The following DDX10 variants were observed in gnomAD, a reference collection of about 807,000 sequenced individuals.
The protein encoded by DDX10 is probable ATP-dependent RNA helicase DDX10.
Under a neutral mutation model 104.3 loss-of-function variants are expected in DDX10, and 74 were observed. That is an observed-to-expected ratio of 0.71 (90% CI 0.59 to 0.86). DDX10 has a LOEUF of 0.86. Ranked by LOEUF, DDX10 falls within the 40% of genes least tolerant of loss-of-function variation. The pLI is 0.00. For missense variants in DDX10, 952 were observed against 1,040.0 expected (o/e 0.92, Z 1.16); for synonymous variants, 351 against 353.4 (o/e 0.99, Z 0.08).
At chr11:108,702,433 T>G (rs914982665) in intron 9 of DDX10, among the ~76,000 whole-genome samples, 1 of 152,184 alleles carries the variant, frequency 6.6e-6, no homozygotes, top group Non-Finnish European at 1.5e-5. Context: ...TAGGCAGTTG[T>G]GAATAGCGTA....
At chr11:108,702,067 C>A (rs2094269111) in intron 9 of DDX10, among the ~76,000 whole-genome samples, 1 of 151,142 alleles carries the variant, frequency 6.6e-6, no homozygotes, top group African/African-American at 2.4e-5. Flanking sequence ...ACACATGACA[C>A]ATGACACATG....
At chr11:108,800,191 C>A (rs1260149121) in intron 13 of DDX10, among the ~76,000 whole-genome samples, 2 of 151,326 alleles carry the variant, frequency 1.3e-5, no homozygotes, top group African/African-American at 4.9e-5. Context: ...CTCTTGTAAT[C>A]CCAGCACTTT....
chr11:108,833,026 A>G lies in DDX10; in HGVS notation c.1966-5420A>G, dbSNP rs113459389. On this transcript the variant is annotated intron_variant, in intron 13 of 17. Coordinates refer to ENST00000322536, the MANE Select transcript of DDX10 (RefSeq NM_004398.4). Reference sequence around the variant, plus strand: ...TTTTAACTTAAGTACAATTTACAGAATACATGTGCATGTATTACCTGCTAA... The same window carrying G: ...TTTTAACTTAAGTACAATTTACAGAGTACATGTGCATGTATTACCTGCTAA... Among the ~76,000 whole-genome samples the G allele has an allele frequency of 6.1e-3, 923 of 152,340 alleles. 3 individuals are homozygous for G. The highest frequency in any genetic ancestry group is 0.021 in the African/African-American group (857 of 41,596).
chr11:108,860,859 A>C (rs2134613650), intron 16 of DDX10: 1 of 152,216 alleles, frequency 6.6e-6, no homozygotes, highest in Admixed American at 6.5e-5. Flanking sequence ...ACTATTTCTT[A>C]AAAGGAAGGG....
chr11:108,749,288 A>G (rs2094335629), intron 13 of DDX10, among the ~76,000 whole-genome samples: 2 of 152,120 alleles, frequency 1.3e-5, no homozygotes, highest in African/African-American at 2.4e-5. Flanking sequence ...CATGTGTGAA[A>G]CAGGGATTTG....
chr11:108,689,202 G>A (rs2094248727), intron 7 of DDX10, 140 bp downstream of exon 7: 4 of 831,640 alleles, frequency 4.8e-6, no homozygotes, highest in Admixed American at 2.3e-5. Context: ...TTGTTGCAAA[G>A]GAATCCGTGG....
At chr11:108,900,601 AATCTCTGGT>A (rs562271397) in intron 16 of DDX10, among the ~76,000 whole-genome samples, 34 of 152,236 alleles carry the variant, frequency 2.2e-4, no homozygotes, top group Non-Finnish European at 4.6e-4. Context: ...CCAGATAATG[AATCTCTGGT>A]ACAGTGAGGT....
At chr11:108,695,498 C>A (rs1018354639) in intron 9 of DDX10, among the ~76,000 whole-genome samples, 1 of 152,198 alleles carries the variant, frequency 6.6e-6, no homozygotes, top group Non-Finnish European at 1.5e-5. Context: ...TCCACTTCAG[C>A]AAGTGGCCCC....
Position 108,691,879 on chromosome 11 carries a change from C to T in DDX10, c.979C>T (p.Gln327Ter). 6.2e-7 allele frequency: 1 copy of T among 1,612,174 alleles called. No individual in the cohort carries two copies. The highest frequency in any genetic ancestry group is 8.5e-7 in the Non-Finnish European group (1 of 1,179,318). Residue 327 changes from glutamine to a stop codon, truncating the protein, a stop_gained, in exon 8 of 18, where the codon CAG becomes TAG. Transcript: ENST00000322536. LOFTEE classifies it high-confidence loss of function. ...TATTCTTCTGTTGATGCCCCAGGTCCAGTATCTGTACCGAGTGTTTTGCCG... is the reference window on the plus strand; with the variant it reads ...TATTCTTCTGTTGATGCCCCAGGTCTAGTATCTGTACCGAGTGTTTTGCCG... ...IVFFSSCKEVQYLYRVFCRLR... is the reference protein window; with the variant it reads ...IVFFSSCKEV
At position 108,814,651 on chromosome 11, in the gene DDX10, CA is replaced by C. The variant is rs199863632; in HGVS notation, c.1966-23786del. Among the ~76,000 whole-genome samples, 16 of 150,536 alleles carry C rather than the reference CA, an allele frequency of 1.1e-4. No individual in the cohort carries two copies. The South Asian group carries it at 2.5e-3, about 24-fold the overall frequency. On this transcript the variant is annotated intron_variant, in intron 13 of 17. Transcript: ENST00000322536. The stretch of plus-strand genomic sequence containing the variant: ...CTTAAAATCTTGAATCTTAGAGTAA[CA>C]AAAAAAAACCTCTCAAACTTTTGGA...
intron 17 of DDX10, among the ~76,000 whole-genome samples, chr11:108,926,460 A>G (rs1204317590): frequency 6.6e-6 from 1 of 152,192 alleles, no homozygotes; most frequent in African/African-American, 2.4e-5. Context: ...CACCACCACC[A>G]GCCTTTTCTG....
At chr11:108,841,610 A>G (rs1343741745) in intron 15 of DDX10, 134 bp downstream of exon 15, 5 of 855,790 alleles carry the variant, frequency 5.8e-6, no homozygotes, top group Non-Finnish European at 8.7e-6. Context: ...TTCTGTGGCT[A>G]CTCTTTTTTC....
In DDX10 at chr11:108,665,095, G is replaced by A. The variant is rs1322295717; in HGVS notation, c.-59G>A. The A allele has an allele frequency of 2.0e-6, 3 of 1,512,518 alleles. No individual in the cohort carries two copies. The highest frequency in any genetic ancestry group is 2.9e-5 in the African/African-American group (2 of 70,168). The allele number at this position is 1,512,518 out of a possible 1,614,324, so 93.7% of individuals were successfully genotyped here. On this transcript the variant is annotated 5_prime_UTR_variant, in exon 1 of 18. Coordinates refer to ENST00000322536, the MANE Select transcript of DDX10 (RefSeq NM_004398.4). ...CGTTTGTCCCATGCTGGTTCCGTGA[G>A]TCTGGCCTTAGGTGTCTCGTGTCTG...
chr11:108,801,956 A>G (rs529114580), intron 13 of DDX10, among the ~76,000 whole-genome samples: 1 of 150,992 alleles, frequency 6.6e-6, no homozygotes, highest in Non-Finnish European at 1.5e-5. Flanking sequence ...CCTATTTGTA[A>G]TTTTTTTTAA....
rs1864096744 is a variant in DDX10 at position 108,940,561 on chromosome 11, G to A, written c.*138G>A. On this transcript the variant is annotated 3_prime_UTR_variant, in exon 18 of 18. Transcript: ENST00000322536. Reference sequence around the variant, plus strand: ...GGCACATTTCTGGATAGAAGCGATCGTATCTCCAAGTCCCTCTCACAGGAC... The same window carrying A: ...GGCACATTTCTGGATAGAAGCGATCATATCTCCAAGTCCCTCTCACAGGAC... The A allele has an allele frequency of 2.1e-5, 16 of 757,694 alleles. No individual in the cohort carries two copies. Among genetic ancestry groups the A allele is most frequent in the Admixed American group, 2.1e-4 (7 of 33,980 alleles). The allele number at this position is 757,694 out of a possible 1,614,324, so 46.9% of individuals were successfully genotyped here. A position where few individuals can be genotyped will look rare whatever the true frequency, so the allele number is the denominator to read the frequency against.
intron 13 of DDX10, among the ~76,000 whole-genome samples, chr11:108,828,188 A>G (rs1862421365): frequency 6.6e-6 from 1 of 152,140 alleles, no homozygotes; most frequent in Admixed American, 6.6e-5. Flanking sequence ...TTTTTGGTGA[A>G]CAGGCAGTGT....
chr11:108,834,678 G>A lies in DDX10; in HGVS notation c.1966-3768G>A, dbSNP rs1360069755. ...CAGCATTGCTTCTGTCTTTAGATGA[G>A]GTCTGATGGAGATCCAAGGTCCTTA... On this transcript the variant is annotated intron_variant, in intron 13 of 17. Coordinates refer to ENST00000322536, the MANE Select transcript of DDX10 (RefSeq NM_004398.4). 2.0e-5 allele frequency among the ~76,000 whole-genome samples: 3 copies of A among 151,986 alleles called. No homozygotes were observed. In the South Asian group the frequency reaches 6.2e-4, roughly 32 times the overall value.
At chr11:108,845,667 A>G (rs1163096532) in intron 15 of DDX10, among the ~76,000 whole-genome samples, 2 of 152,224 alleles carry the variant, frequency 1.3e-5, no homozygotes, top group Non-Finnish European at 2.9e-5. Context: ...CATATGAAAA[A>G]AAAACTTCGT....
chr11:108,917,943 C>G lies in DDX10; in HGVS notation c.2375C>G (p.Pro792Arg), dbSNP rs2134664243. Residue 792 changes from proline (P) to arginine (R), a missense_variant, in exon 17 of 18, where the codon CCA becomes CGA. Pro to Arg is a moderately radical substitution (Grantham distance 103). Coordinates refer to ENST00000322536, the MANE Select transcript of DDX10 (RefSeq NM_004398.4). ...DDDDDDDGFDPSTLPDPDKYR... is the reference protein window; with the variant it reads ...DDDDDDDGFDRSTLPDPDKYR... ...GATGATGATGATGATGGATTTGATC[C>G]AAGCACACTCCCAGATCCAGATAAA... is the stretch of plus-strand genomic sequence containing the variant. 2 of 1,612,302 alleles carry G rather than the reference C, an allele frequency of 1.2e-6. 1 individual carries two copies. The highest frequency in any genetic ancestry group is 4.5e-5 in the East Asian group (2 of 44,788).
Sources: allele counts gnomAD v4.1 joint callset (sites outside exome capture counted in the v4.1 genomes callset), GRCh38; gene constraint gnomAD v4.1.1; transcripts MANE v1.5; gene names NCBI Gene and HGNC (gene_info 2026-07-23, HGNC 2026-07-21).